POU3F3: variants seen among roughly 807,000 people sequenced by gnomAD.
The protein encoded by POU3F3 is POU class 3 homeobox 3, also known as POU domain, class 3, transcription factor 3.
In POU3F3, 1 loss-of-function variant was observed where a neutral mutation model predicts 8.6. The ratio of observed to expected loss-of-function variants is 0.12; its 90% confidence interval spans 0.04 to 0.55. POU3F3 has a LOEUF of 0.55. Ranked by LOEUF, POU3F3 falls within the 20% of genes least tolerant of loss-of-function variation. The probability of loss-of-function intolerance (pLI) is 0.91; values close to 1 mark genes in which losing one functional copy is unlikely to be tolerated. For missense variants in POU3F3, 577 were observed against 690.7 expected, an observed-to-expected ratio of 0.84 and a Z score of 1.84; for synonymous variants, 418 against 327.4, an observed-to-expected ratio of 1.28 and a Z score of -2.99.
At chr2:104,895,413 T>C in the POU3F3 span, among the ~76,000 whole-genome samples, 1 of 152,222 alleles carries the variant, frequency 6.6e-6, no homozygotes, top group Non-Finnish European at 1.5e-5. Context: ...TTTTCCTTAA[T>C]AGCCTTTTAG....
chr2:104,879,337 G>C, the POU3F3 span, among the ~76,000 whole-genome samples: 10 of 152,164 alleles, frequency 6.6e-5, no homozygotes, highest in Admixed American at 6.5e-4. Context: ...GGGTACGTGA[G>C]CTGGTGCTGG....
At chr2:104,897,967 T>C in the POU3F3 span, among the ~76,000 whole-genome samples, 2 of 152,126 alleles carry the variant, frequency 1.3e-5, no homozygotes, top group Non-Finnish European at 2.9e-5. Flanking sequence ...GAAAAAATTG[T>C]TTTCCTAAGT....
downstream of POU3F3, among the ~76,000 whole-genome samples, chr2:104,862,342 T>G (rs1223952895): frequency 6.6e-6 from 1 of 152,126 alleles, no homozygotes; most frequent in Non-Finnish European, 1.5e-5. Context: ...TGCGCTAGTG[T>G]GTGCGCGCGC....
the POU3F3 span, among the ~76,000 whole-genome samples, chr2:104,878,754 G>A: frequency 6.6e-6 from 1 of 152,154 alleles, no homozygotes; most frequent in Non-Finnish European, 1.5e-5. Flanking sequence ...ATTACTGAGG[G>A]GGGTGTTTCT....
At chr2:104,901,510 C>T in the POU3F3 span, among the ~76,000 whole-genome samples, 3 of 152,140 alleles carry the variant, frequency 2.0e-5, no homozygotes, top group East Asian at 1.9e-4. Context: ...TCACTTCAGC[C>T]GCAGTTACCA....
At chr2:104,916,181 A>C in the POU3F3 span, among the ~76,000 whole-genome samples, 4 of 152,322 alleles carry the variant, frequency 2.6e-5, no homozygotes, top group African/African-American at 9.6e-5. Context: ...AACTCATTTT[A>C]ATAATAAAGA....
the POU3F3 span, among the ~76,000 whole-genome samples, chr2:104,913,879 C>T: frequency 3.8e-3 from 576 of 149,824 alleles, 2 homozygotes; most frequent in Admixed American, 6.0e-3. Flanking sequence ...ATCATTAAAA[C>T]GAAAAAAAAA....
chr2:104,890,576 C>T, the POU3F3 span, among the ~76,000 whole-genome samples: 1 of 152,156 alleles, frequency 6.6e-6, no homozygotes, highest in Non-Finnish European at 1.5e-5. Flanking sequence ...ATGCCAACCC[C>T]TGAATGTTTC....
Position 104,857,087 on chromosome 2 carries a change from T to TGCC in POU3F3, c.*101_*103dup, listed in dbSNP as rs895839135. The TGCC allele has an allele frequency of 1.1e-3, 1,113 of 1,002,174 alleles. 3 individuals are homozygous for TGCC. Among genetic ancestry groups the TGCC allele is most frequent in the African/African-American group, 4.3e-3 (240 of 56,134 alleles). 62.1% of individuals were successfully genotyped at this position (1,002,174 alleles called of 1,614,324 possible). A position where few individuals can be genotyped will look rare whatever the true frequency, so the allele number is the denominator to read the frequency against. On this transcript the variant is annotated 3_prime_UTR_variant, in exon 1 of 1. Transcript: ENST00000361360. The stretch of plus-strand genomic sequence containing the variant: ...CCGCCGTCAGCACCGCCGCCGCCCC[T>TGCC]GCCGCCGCCGCCGCCGCCGCCGCCG...
In POU3F3 at chr2:104,858,337, A is replaced by G. The variant is rs908105641; in HGVS notation, c.*1324A>G. On this transcript the variant is annotated 3_prime_UTR_variant, in exon 1 of 1. Coordinates refer to ENST00000361360, the MANE Select transcript of POU3F3 (RefSeq NM_006236.3). ...AATATTTGCTTTATATTTTCATTAA[A>G]TGACTTCTTTTAATATTTTATTCAG... 1.3e-5 allele frequency: 2 copies of G among 152,248 alleles called. No homozygotes were observed. The highest frequency in any genetic ancestry group is 4.8e-5 in the African/African-American group (2 of 41,468). The allele number at this position is 152,248 out of a possible 1,614,324, so 9.4% of individuals were successfully genotyped here. A position where few individuals can be genotyped will look rare whatever the true frequency, so the allele number is the denominator to read the frequency against.
the POU3F3 span, among the ~76,000 whole-genome samples, chr2:104,864,788 C>T: frequency 4.3e-4 from 66 of 152,256 alleles, no homozygotes; most frequent in African/African-American, 1.4e-3. Context: ...GAATGCTAAA[C>T]AATATAAAAT....
chr2:104,916,385 C>T, the POU3F3 span, among the ~76,000 whole-genome samples: 4 of 152,102 alleles, frequency 2.6e-5, no homozygotes, highest in Non-Finnish European at 4.4e-5. Flanking sequence ...AGATTATTAT[C>T]TCATGGTTCC....
In POU3F3 at chr2:104,857,115, G is replaced by C. The variant is rs1381166093; in HGVS notation, c.*102G>C. 12 of 969,002 alleles carry C rather than the reference G, an allele frequency of 1.2e-5. No homozygotes were observed. Among genetic ancestry groups the C allele is most frequent in the Non-Finnish European group, 7.3e-6 (6 of 817,348 alleles). 60.0% of individuals were successfully genotyped at this position (969,002 alleles called of 1,614,324 possible). On this transcript the variant is annotated 3_prime_UTR_variant, in exon 1 of 1. Coordinates refer to ENST00000361360, the MANE Select transcript of POU3F3 (RefSeq NM_006236.3). The stretch of plus-strand genomic sequence containing the variant: ...CGCCGCCGCCGCCGCCGCCGCCGCC[G>C]CTGCCGCCGCCGCGCCGACCCTGCA...
the POU3F3 span, among the ~76,000 whole-genome samples, chr2:104,900,305 G>A: frequency 6.6e-6 from 1 of 152,126 alleles, no homozygotes; most frequent in Non-Finnish European, 1.5e-5. Flanking sequence ...ATCAAGTGAG[G>A]GCGTCCTTCC....
chr2:104,892,586 C>T, the POU3F3 span, among the ~76,000 whole-genome samples: 2 of 151,860 alleles, frequency 1.3e-5, no homozygotes, highest in Non-Finnish European at 2.9e-5. Context: ...CTGCCTCAGC[C>T]TCCCAAGTAA....
At chr2:104,904,992 G>T in the POU3F3 span, among the ~76,000 whole-genome samples, 2 of 152,280 alleles carry the variant, frequency 1.3e-5, no homozygotes, top group Admixed American at 6.5e-5. Flanking sequence ...ATCCTAGCCA[G>T]CCCTAAGACC....
chr2:104,888,613 C>A, the POU3F3 span, among the ~76,000 whole-genome samples: 66 of 152,244 alleles, frequency 4.3e-4, 1 homozygote, highest in South Asian at 0.013. Flanking sequence ...ATCCCACCCC[C>A]ACGAGAAGGA....
In POU3F3 at chr2:104,856,385, C is replaced by G; in HGVS notation, c.875C>G (p.Pro292Arg). The G allele has an allele frequency of 1.3e-6, 2 of 1,560,682 alleles. No individual in the cohort carries two copies. Among genetic ancestry groups the G allele is most frequent in the Non-Finnish European group, 1.7e-6 (2 of 1,155,182 alleles). The change falls in exon 1 of 1, where the codon CCG (proline) becomes CGG (arginine). Residue 292 changes from proline to arginine, a missense_variant. By Grantham distance (103) the Pro-to-Arg change is moderately radical. Around this residue, in one of 7 missense-constraint regions of POU3F3, gnomAD observed 484 missense variants for 422.6 expected, o/e 1.15. Transcript: ENST00000361360. ...CACCCGCACCACGCGCAGGGACCCC[C>G]GCACCACGGCGGCGGCGGCGGCGGC... is the stretch of plus-strand genomic sequence containing the variant. The part of the protein sequence containing the change: ...PPHPHHAQGP[P>R]HHGGGGGGAG...
At chr2:104,910,738 T>G in the POU3F3 span, among the ~76,000 whole-genome samples, 29 of 152,240 alleles carry the variant, frequency 1.9e-4, no homozygotes, top group Non-Finnish European at 3.1e-4. Flanking sequence ...GAGATTAAGT[T>G]GATGTTAAGA....
Sources: gnomAD v4.1 joint callset for allele counts (sites outside exome capture counted in the v4.1 genomes callset) on GRCh38, gnomAD v4.1.1 for gene constraint, gnomAD v4.1.1 regional missense constraint, MANE v1.5 for transcripts, NCBI Gene and HGNC (gene_info 2026-07-23, HGNC 2026-07-21) for gene names.